The following PTPRG variants were observed in gnomAD, a reference collection of about 807,000 sequenced individuals.
The protein encoded by PTPRG is receptor-type tyrosine-protein phosphatase gamma.
A neutral mutation model predicts 165.3 loss-of-function variants in PTPRG; 102 were observed. The observed-to-expected ratio is 0.62, with a 90% confidence interval of 0.53 to 0.73. The LOEUF (loss-of-function observed/expected upper bound fraction) is 0.73, where lower values mean the gene tolerates loss of function less well. PTPRG is among the 30% of genes least tolerant of loss of function. The probability of loss-of-function intolerance (pLI) is 0.00; values close to 1 mark genes in which losing one functional copy is unlikely to be tolerated. For missense variants in PTPRG, 1,866 were observed against 1,861.4 expected, an observed-to-expected ratio of 1.00 and a Z score of -0.05; for synonymous variants, 675 against 669.5, an observed-to-expected ratio of 1.01 and a Z score of -0.13.
chr3:62,161,237 G>A lies in PTPRG; in HGVS notation c.840+4013G>A, dbSNP rs115057315. ...ATATTAGGCGTTGTTGTTGTTGTTG[G>A]TTTTGTTGTTGTTGCAGGTATTAAA... On this transcript the variant is annotated intron_variant, in intron 7 of 29. Coordinates refer to ENST00000474889, the MANE Select transcript of PTPRG (RefSeq NM_002841.4). 5.3e-3 allele frequency among the ~76,000 whole-genome samples: 811 copies of A among 152,214 alleles called. 7 individuals are homozygous for A. Among genetic ancestry groups the A allele is most frequent in the African/African-American group, 0.019 (787 of 41,506 alleles).
At chr3:61,925,612 G>C (rs191249465) in intron 2 of PTPRG, among the ~76,000 whole-genome samples, 2 of 152,142 alleles carry the variant, frequency 1.3e-5, no homozygotes, top group African/African-American at 4.8e-5. Context: ...GCCTGGTGGC[G>C]TGTGCCTGTA....
rs1420928631 is a variant in PTPRG, at chr3:62,222,383, T to G, written c.2288+3400T>G. ...CGCTCAAGCAGGCCCTCTGCCTGTTTGTACAGAGCAGCCTCTGGCCATGTT... is the reference window on the plus strand; with the variant it reads ...CGCTCAAGCAGGCCCTCTGCCTGTTGGTACAGAGCAGCCTCTGGCCATGTT... On this transcript the variant is annotated intron_variant, in intron 13 of 29. Coordinates refer to ENST00000474889, the MANE Select transcript of PTPRG (RefSeq NM_002841.4). This position sits in a 1 kb window ranked among gnomAD's most constrained non-coding sequence, Gnocchi z 4.5. Among the ~76,000 whole-genome samples, 2 of 152,212 alleles carry G rather than the reference T, an allele frequency of 1.3e-5. No individual in the cohort carries two copies. Among genetic ancestry groups the G allele is most frequent in the African/African-American group, 4.8e-5 (2 of 41,470 alleles).
intron 4 of PTPRG, among the ~76,000 whole-genome samples, chr3:62,028,672 C>T (rs1292663427): frequency 6.6e-6 from 1 of 152,190 alleles, no homozygotes; most frequent in African/African-American, 2.4e-5. Flanking sequence ...AACAGAAACA[C>T]ACTCAAGTCA....
chr3:62,062,469 TGGG>T (rs1250265575), intron 4 of PTPRG, among the ~76,000 whole-genome samples: 1 of 152,126 alleles, frequency 6.6e-6, no homozygotes, highest in African/African-American at 2.4e-5. Context: ...AATAAAATGT[TGGG>T]GGGAAAGCAT....
chr3:61,686,843 T>A (rs997472658), intron 1 of PTPRG, among the ~76,000 whole-genome samples: 5 of 152,184 alleles, frequency 3.3e-5, no homozygotes, highest in Admixed American at 2.6e-4. Flanking sequence ...TAGTTAAAGC[T>A]ACTTTTTTTA....
chr3:61,679,932 G>A (rs9864128), intron 1 of PTPRG, among the ~76,000 whole-genome samples: 45,852 of 151,914 alleles, frequency 0.3, 8,139 homozygotes, highest in African/African-American at 0.49. Flanking sequence ...TACTCTCTTC[G>A]GCTTGTCCCA....
chr3:61,967,754 A>G (rs1278752573), intron 2 of PTPRG, among the ~76,000 whole-genome samples: 1 of 152,226 alleles, frequency 6.6e-6, no homozygotes, highest in Non-Finnish European at 1.5e-5. Context: ...AGCTGTGTCT[A>G]TCTTTACTAT....
At chr3:62,078,113 T>C (rs951542945) in intron 4 of PTPRG, 50 bp from the exon 5 acceptor site, 6 of 1,309,758 alleles carry the variant, frequency 4.6e-6, no homozygotes, top group Non-Finnish European at 6.5e-6. Flanking sequence ...CTCAACTTTT[T>C]ATTTATGTTT....
chr3:62,120,134 T>A (rs1216296913), intron 5 of PTPRG, among the ~76,000 whole-genome samples: 2 of 152,036 alleles, frequency 1.3e-5, no homozygotes, highest in African/African-American at 4.8e-5. Flanking sequence ...ATGATTCCAG[T>A]GGGCAGCCAG....
chr3:61,630,124 T>G (rs1701727597), intron 1 of PTPRG, among the ~76,000 whole-genome samples: 1 of 152,210 alleles, frequency 6.6e-6, no homozygotes, highest in African/African-American at 2.4e-5. Context: ...AATTGGTTGA[T>G]TGGATGTGTG....
chr3:62,087,072 T>C (rs1701776196), intron 5 of PTPRG, among the ~76,000 whole-genome samples: 1 of 152,240 alleles, frequency 6.6e-6, no homozygotes, highest in East Asian at 1.9e-4. Flanking sequence ...TGAATGATAG[T>C]TTAAAATTGT....
intron 1 of PTPRG, among the ~76,000 whole-genome samples, chr3:61,613,224 T>G (rs977794872): frequency 4.6e-5 from 7 of 152,220 alleles, no homozygotes; most frequent in African/African-American, 1.7e-4. Flanking sequence ...TGCCTTTTAC[T>G]TTCTGACTTA....
intron 2 of PTPRG, among the ~76,000 whole-genome samples, chr3:61,956,379 G>T (rs1406356971): frequency 6.6e-6 from 1 of 151,670 alleles, no homozygotes; most frequent in African/African-American, 2.4e-5. Flanking sequence ...TATTCCAGCT[G>T]TCGGCAGCAG....
intron 2 of PTPRG, among the ~76,000 whole-genome samples, chr3:61,954,349 T>A: frequency 6.6e-6 from 1 of 152,098 alleles, no homozygotes; most frequent in South Asian, 2.1e-4. Flanking sequence ...GGTGGTAAAT[T>A]TGTATATGTT....
chr3:62,218,799 C>T (rs902292250), intron 12 of PTPRG, 52 bp from the exon 13 acceptor site: 40 of 1,567,776 alleles, frequency 2.6e-5, no homozygotes, highest in Non-Finnish European at 5.2e-6. Flanking sequence ...TCAATTCTGG[C>T]TCCCACCTCC....
chr3:62,143,374 A>G (rs1473353527), intron 6 of PTPRG, among the ~76,000 whole-genome samples: 1 of 152,154 alleles, frequency 6.6e-6, no homozygotes, highest in Non-Finnish European at 1.5e-5. Flanking sequence ...TCCAGCAGCA[A>G]GAAAATGGAG....
intron 4 of PTPRG, among the ~76,000 whole-genome samples, chr3:62,063,396 A>G (rs1040289481): frequency 2.0e-5 from 3 of 152,212 alleles, no homozygotes; most frequent in African/African-American, 4.8e-5. Flanking sequence ...GGTTTTAACC[A>G]ATATATCAGG....
intron 1 of PTPRG, among the ~76,000 whole-genome samples, chr3:61,653,129 T>G (rs1486427858): frequency 6.6e-6 from 1 of 152,036 alleles, no homozygotes; most frequent in African/African-American, 2.4e-5. Flanking sequence ...AAAAATCATC[T>G]CACAATGTAG....
At chr3:61,837,007 T>C (rs1329702675) in intron 2 of PTPRG, among the ~76,000 whole-genome samples, 1 of 152,076 alleles carries the variant, frequency 6.6e-6, no homozygotes, top group African/African-American at 2.4e-5. Flanking sequence ...ACCTCCTGGG[T>C]TAAAGCGATT....
Sources: gnomAD v4.1 joint callset for allele counts (sites outside exome capture counted in the v4.1 genomes callset) on GRCh38, gnomAD v4.1.1 for gene constraint, Gnocchi (gnomAD v3.1) non-coding constraint, MANE v1.5 for transcripts, NCBI Gene and HGNC (gene_info 2026-07-23, HGNC 2026-07-21) for gene names.